Variants in PTPRM observed in about 807,000 individuals in gnomAD.
PTPRM encodes the protein receptor-type tyrosine-protein phosphatase mu.
PTPRM carries 47 observed loss-of-function variants against 186.7 expected under a neutral mutation model. The ratio of observed to expected loss-of-function variants is 0.25; its 90% CI spans 0.20 to 0.32. PTPRM has a LOEUF of 0.32. Ranked by LOEUF, PTPRM falls within the 10% of genes least tolerant of loss-of-function variation. The pLI, the probability that PTPRM is intolerant of heterozygous loss-of-function variation, is 1.00. For missense variants in PTPRM, 1,494 were observed against 1,865.0 expected (o/e 0.80, Z 3.66); for synonymous variants, 668 against 674.9 (o/e 0.99, Z 0.16).
At chr18:7,831,474 T>C (rs2045756472) in intron 2 of PTPRM, among the ~76,000 whole-genome samples, 1 of 152,170 alleles carries the variant, frequency 6.6e-6, no homozygotes, top group African/African-American at 2.4e-5. Context: ...CAAATCTCTT[T>C]TAATTTTTTA....
intron 14 of PTPRM, among the ~76,000 whole-genome samples, chr18:8,159,188 G>A (rs1226854736): frequency 6.6e-6 from 1 of 150,916 alleles, no homozygotes; most frequent in African/African-American, 2.5e-5. Context: ...GAATATTTTG[G>A]ATGGATCTCA....
At chr18:7,983,471 C>T (rs2082668788) in intron 7 of PTPRM, among the ~76,000 whole-genome samples, 1 of 152,076 alleles carries the variant, frequency 6.6e-6, no homozygotes, top group Non-Finnish European at 1.5e-5. Flanking sequence ...AGAGTCTTTG[C>T]CCTGCCCCTG....
intron 2 of PTPRM, among the ~76,000 whole-genome samples, chr18:7,792,462 CCTGT>C (rs2043388417): frequency 6.6e-6 from 1 of 152,100 alleles, no homozygotes; most frequent in South Asian, 2.1e-4. Flanking sequence ...CCTGTTTTCT[CCTGT>C]CTATCATCCC....
At chr18:8,187,659 A>G (rs1403266719) in intron 14 of PTPRM, among the ~76,000 whole-genome samples, 1 of 152,218 alleles carries the variant, frequency 6.6e-6, no homozygotes, top group Non-Finnish European at 1.5e-5. Flanking sequence ...GTGAGAGCCT[A>G]GACTAAGTTG....
intron 7 of PTPRM, among the ~76,000 whole-genome samples, chr18:8,004,009 G>A (rs1402691434): frequency 3.9e-5 from 6 of 152,170 alleles, no homozygotes; most frequent in African/African-American, 1.4e-4. Context: ...ATGGCCCAGT[G>A]TTGACTATGT....
chr18:7,692,508 C>A (rs189552059), intron 1 of PTPRM, among the ~76,000 whole-genome samples: 2 of 152,308 alleles, frequency 1.3e-5, no homozygotes, highest in East Asian at 3.9e-4. Context: ...GTGTGGATAG[C>A]AGAACATTTT....
chr18:7,673,691 C>A (rs757875497), intron 1 of PTPRM, among the ~76,000 whole-genome samples: 1 of 152,086 alleles, frequency 6.6e-6, no homozygotes, highest in Non-Finnish European at 1.5e-5. Flanking sequence ...CAAAAACATT[C>A]AAAGGTATAA....
intron 2 of PTPRM, among the ~76,000 whole-genome samples, chr18:7,846,157 CT>C (rs2145888227): frequency 6.6e-6 from 1 of 152,226 alleles, no homozygotes; most frequent in South Asian, 2.1e-4. Flanking sequence ...GGACCATAAG[CT>C]TTTTAGTCTT....
At chr18:7,900,001 C>T (rs980958376) in intron 3 of PTPRM, among the ~76,000 whole-genome samples, 1 of 147,798 alleles carries the variant, frequency 6.8e-6, no homozygotes, top group African/African-American at 2.5e-5. Flanking sequence ...GAGGCTCCCC[C>T]ATGGAGCGCA....
chr18:8,109,198 A>C (rs2145651496), intron 11 of PTPRM, among the ~76,000 whole-genome samples: 1 of 152,304 alleles, frequency 6.6e-6, no homozygotes, highest in South Asian at 2.1e-4. Flanking sequence ...AGGTGCTAAT[A>C]ATGTGTTAAT....
intron 4 of PTPRM, among the ~76,000 whole-genome samples, chr18:7,907,752 A>ATGTG (rs112103046): frequency 4.5e-4 from 67 of 149,762 alleles, no homozygotes; most frequent in African/African-American, 1.5e-3. Context: ...AACACCGCAA[A>ATGTG]TGTGTGTGTG....
intron 13 of PTPRM, among the ~76,000 whole-genome samples, chr18:8,115,835 T>G (rs2091935103): frequency 6.6e-6 from 1 of 152,244 alleles, no homozygotes; most frequent in Admixed American, 6.5e-5. Context: ...AATTCTTATT[T>G]TGTGAACTTA....
chr18:7,895,957 A>G (rs1469127591), intron 3 of PTPRM, among the ~76,000 whole-genome samples: 1 of 152,214 alleles, frequency 6.6e-6, no homozygotes, highest in Non-Finnish European at 1.5e-5. Context: ...TTTACTATTT[A>G]TGGTAGAATA....
chr18:8,376,756 T>C (rs992885816), intron 26 of PTPRM, 159 bp downstream of exon 26: 62 of 863,136 alleles, frequency 7.2e-5, no homozygotes, highest in Middle Eastern at 3.7e-4. Flanking sequence ...CCTTCCCCCT[T>C]TTTGTTTTTC....
intron 14 of PTPRM, among the ~76,000 whole-genome samples, chr18:8,223,690 A>G (rs986139293): frequency 2.0e-5 from 3 of 152,224 alleles, no homozygotes; most frequent in Admixed American, 1.3e-4. Flanking sequence ...CTCTCCCCAC[A>G]GAAGTCTAAG....
chr18:7,704,647 A>G (rs2040038401), intron 1 of PTPRM, among the ~76,000 whole-genome samples: 1 of 152,152 alleles, frequency 6.6e-6, no homozygotes. Context: ...AATAAGTGTT[A>G]ACCTAGAATT....
At chr18:7,860,827 T>C (rs2047343862) in intron 2 of PTPRM, among the ~76,000 whole-genome samples, 1 of 152,244 alleles carries the variant, frequency 6.6e-6, no homozygotes, top group Non-Finnish European at 1.5e-5. Context: ...GCCCACTCCC[T>C]ACTCTGTCTC....
intron 4 of PTPRM, among the ~76,000 whole-genome samples, chr18:7,922,406 T>C (rs1476727663): frequency 2.6e-5 from 4 of 152,188 alleles, no homozygotes; most frequent in South Asian, 4.1e-4. Context: ...GATGTTTCCA[T>C]TGGGTTGGGG....
intron 13 of PTPRM, among the ~76,000 whole-genome samples, chr18:8,126,359 T>C (rs2092363707): frequency 6.6e-6 from 1 of 151,988 alleles, no homozygotes; most frequent in South Asian, 2.1e-4. Flanking sequence ...CTTTTTAATA[T>C]GTATATATAT....
Sources: allele counts gnomAD v4.1 joint callset (sites outside exome capture counted in the v4.1 genomes callset), GRCh38; gene constraint gnomAD v4.1.1; transcripts MANE v1.5; gene names NCBI Gene and HGNC (gene_info 2026-07-23, HGNC 2026-07-21).